MARCHF1: variants seen among roughly 807,000 people sequenced by gnomAD.
MARCHF1 encodes membrane associated ring-CH-type finger 1.
In MARCHF1, 40 loss-of-function variants were observed where a neutral mutation model predicts 54.2. The ratio of observed to expected loss-of-function variants is 0.74; its 90% CI spans 0.57 to 0.96. The LOEUF (loss-of-function observed/expected upper bound fraction) is 0.96, where lower values mean the gene tolerates loss of function less well. Ranked by LOEUF, MARCHF1 falls within the 40% of genes least tolerant of loss-of-function variation. The pLI, the probability that MARCHF1 is intolerant of heterozygous loss-of-function variation, is 0.00. For synonymous variants in MARCHF1, 236 were observed against 236.3 expected (o/e 1.00, Z 0.01); for missense variants, 586 against 656.5 (o/e 0.89, Z 1.17).
chr4:164,050,426 T>A (rs914733533), intron 2 of MARCHF1, among the ~76,000 whole-genome samples: 1 of 152,052 alleles, frequency 6.6e-6, no homozygotes, highest in African/African-American at 2.4e-5. Flanking sequence ...TTTCAGTCTT[T>A]CACCAGATCT....
chr4:164,338,849 G>A (rs533815783), intron 1 of MARCHF1, among the ~76,000 whole-genome samples: 30 of 152,284 alleles, frequency 2.0e-4, no homozygotes, highest in African/African-American at 6.5e-4. Context: ...GTACGTGCCT[G>A]TAATCCCAGC....
rs376718338 is a variant in MARCHF1, at chr4:164,061,883, G to GT, written c.-248+49704dup. ...TGGATGCTGACCGTTCAGGCTAGTG[G>GT]TTGTTGCAGACTGAGATGACTATGG... On this transcript the variant is annotated intron_variant, in intron 2 of 9. Transcript: ENST00000514618. Among the ~76,000 whole-genome samples the GT allele has an allele frequency of 1.7e-3, 252 of 152,212 alleles. 1 individual carries two copies. Among genetic ancestry groups the GT allele is most frequent in the African/African-American group, 5.9e-3 (244 of 41,550 alleles).
intron 1 of MARCHF1, among the ~76,000 whole-genome samples, chr4:164,117,588 A>C (rs982147288): frequency 6.6e-6 from 1 of 152,064 alleles, no homozygotes; most frequent in African/African-American, 2.4e-5. Context: ...TGTAATGAAC[A>C]TGTAAATAAA....
chr4:164,223,710 A>C (rs953458787), intron 1 of MARCHF1, among the ~76,000 whole-genome samples: 1 of 151,764 alleles, frequency 6.6e-6, no homozygotes, highest in Non-Finnish European at 1.5e-5. Context: ...TTAGTAATCA[A>C]ATCCTTACTG....
At chr4:164,117,250 G>T (rs2110755873) in intron 1 of MARCHF1, among the ~76,000 whole-genome samples, 1 of 151,870 alleles carries the variant, frequency 6.6e-6, no homozygotes, top group East Asian at 1.9e-4. Context: ...AGAGTGATAT[G>T]CAGTCTCAAA....
intron 1 of MARCHF1, among the ~76,000 whole-genome samples, chr4:164,289,323 A>G (rs77794059): frequency 0.024 from 3,585 of 152,120 alleles, 94 homozygotes; most frequent in East Asian, 0.13. Context: ...AGTCTTAGCA[A>G]TAACTTCTAG....
chr4:163,721,029 C>T (rs954013683), intron 4 of MARCHF1, among the ~76,000 whole-genome samples: 1 of 152,090 alleles, frequency 6.6e-6, no homozygotes, highest in Non-Finnish European at 1.5e-5. Context: ...TTTCTTTCTC[C>T]TACCTGACTG....
At chr4:163,815,045 T>C (rs577716089) in intron 4 of MARCHF1, among the ~76,000 whole-genome samples, 63 of 152,292 alleles carry the variant, frequency 4.1e-4, no homozygotes, top group African/African-American at 1.3e-3. Context: ...TATACCTGGT[T>C]TGTTTATCTA....
At chr4:163,652,008 T>A (rs1742985451) in intron 5 of MARCHF1, among the ~76,000 whole-genome samples, 1 of 151,802 alleles carries the variant, frequency 6.6e-6, no homozygotes, top group Admixed American at 6.6e-5. Flanking sequence ...CATTCTGAAC[T>A]ATTTTTAGTC....
chr4:163,932,380 G>T, intron 3 of MARCHF1: 1 of 345,038 alleles, frequency 2.9e-6, no homozygotes, highest in Non-Finnish European at 5.8e-6. Context: ...CAAAACTGGA[G>T]TAAATCCTTT....
chr4:163,897,310 G>C (rs907637853), intron 3 of MARCHF1, among the ~76,000 whole-genome samples: 5 of 152,088 alleles, frequency 3.3e-5, no homozygotes, highest in Non-Finnish European at 7.4e-5. Context: ...TCTGTGGCTT[G>C]CCTAACATAT....
In MARCHF1 at chr4:164,201,473, G is replaced by A. The variant is rs142444464; in HGVS notation, c.-322-89811C>T. On this transcript the variant is annotated intron_variant, in intron 1 of 9. Transcript: ENST00000514618. The stretch of plus-strand genomic sequence containing the variant: ...TTGACCTCGTGACCCGCCCGCCTGG[G>A]ACTCCCAAAGTGCTGGGATTATAGG... Among the ~76,000 whole-genome samples the A allele has an allele frequency of 5.9e-3, 891 of 152,252 alleles. 4 individuals are homozygous for A. Among genetic ancestry groups the A allele is most frequent in the African/African-American group, 0.02 (838 of 41,558 alleles).
intron 1 of MARCHF1, chr4:164,197,513 T>G: frequency 6.2e-7 from 1 of 1,613,588 alleles, no homozygotes; most frequent in Non-Finnish European, 8.5e-7. Flanking sequence ...AGTTCAAGCT[T>G]TCTCAACTTT....
chr4:163,603,636 C>T (rs957503139), intron 7 of MARCHF1, among the ~76,000 whole-genome samples: 1 of 152,066 alleles, frequency 6.6e-6, no homozygotes, highest in Admixed American at 6.6e-5. Flanking sequence ...CTTCACTGGA[C>T]GTTTGATCTT....
Position 163,700,825 on chromosome 4 carries a change from A to G in MARCHF1, c.150T>C (p.Ser50=), listed in dbSNP as rs556536954. 6.5e-7 allele frequency: 1 copy of G among 1,536,406 alleles called. No individual in the cohort carries two copies. Among genetic ancestry groups the G allele is most frequent in the African/African-American group, 1.4e-5 (1 of 73,136 alleles). ...KSPGRSASRS[S]NISKASSPTT... ...GTACTTCACCTACTTTTGAAATGTT[A>G]CTTGATCGACTTGCAGATCGCCCTG... is the stretch of plus-strand genomic sequence containing the variant. The change falls in exon 5 of 10, where the codon AGT becomes AGC. Residue 50 remains serine (S), a synonymous_variant. Coordinates refer to ENST00000514618, the MANE Select transcript of MARCHF1 (RefSeq NM_001394959.1).
chr4:163,538,130 A>G (rs540975804), intron 9 of MARCHF1, among the ~76,000 whole-genome samples: 7 of 152,272 alleles, frequency 4.6e-5, no homozygotes, highest in African/African-American at 1.7e-4. Context: ...GGAAATTTAC[A>G]TTTAAAGAGC....
intron 4 of MARCHF1, among the ~76,000 whole-genome samples, chr4:163,753,776 G>A (rs1209939462): frequency 6.6e-6 from 1 of 152,158 alleles, no homozygotes; most frequent in East Asian, 1.9e-4. Context: ...CAAGACTCTA[G>A]AGAAGGCAAT....
At chr4:164,091,292 A>C (rs1328596453) in intron 2 of MARCHF1, among the ~76,000 whole-genome samples, 1 of 151,776 alleles carries the variant, frequency 6.6e-6, no homozygotes, top group Non-Finnish European at 1.5e-5. Context: ...CATGCACATC[A>C]TTTTTAATAT....
intron 5 of MARCHF1, among the ~76,000 whole-genome samples, chr4:163,643,233 C>A (rs1283569362): frequency 1.3e-5 from 2 of 150,874 alleles, no homozygotes; most frequent in African/African-American, 4.9e-5. Flanking sequence ...GAGGCTGAGG[C>A]AGGAGAATTG....
Sources: allele counts gnomAD v4.1 joint callset (sites outside exome capture counted in the v4.1 genomes callset), GRCh38; gene constraint gnomAD v4.1.1; transcripts MANE v1.5; gene names NCBI Gene and HGNC (gene_info 2026-07-23, HGNC 2026-07-21).